Variants in GMEB1 observed in about 807,000 individuals in gnomAD.
GMEB1 encodes the protein glucocorticoid modulatory element-binding protein 1.
GMEB1 carries 6 observed loss-of-function variants against 52.4 expected under a neutral mutation model. That is an observed-to-expected ratio of 0.11 (90% CI 0.06 to 0.23). The LOEUF (loss-of-function observed/expected upper bound fraction) is 0.23, where lower values mean the gene tolerates loss of function less well. Among genes scored for constraint, GMEB1 ranks in the 10% least tolerant of loss-of-function variants. The pLI is 1.00. For missense variants in GMEB1, 486 were observed against 685.6 expected (o/e 0.71, Z 3.25); for synonymous variants, 255 against 244.9 (o/e 1.04, Z -0.38).
chr1:28,669,976 A>T lies in GMEB1; in HGVS notation c.-31+1137A>T, dbSNP rs200564532. Among the ~76,000 whole-genome samples, 5 of 152,266 alleles carry T rather than the reference A, an allele frequency of 3.3e-5. No homozygotes were observed. In the East Asian group the frequency reaches 9.7e-4, roughly 29 times the overall value. ...CGCAGCCCTGGATTCTCTCAAGATG[A>T]GAGAAATCTCAAAACCACTTCCTAG... is the stretch of plus-strand genomic sequence containing the variant. On this transcript the variant is annotated intron_variant, in intron 1 of 9. Transcript: ENST00000373816.
intron 5 of GMEB1, among the ~76,000 whole-genome samples, chr1:28,695,074 C>T (rs572974042): frequency 6.3e-4 from 95 of 150,486 alleles, no homozygotes; most frequent in Non-Finnish European, 1.1e-3. Flanking sequence ...AAGTGATTCT[C>T]ATGCCTCAGC....
chr1:28,697,788 G>T (rs186853570), intron 6 of GMEB1, among the ~76,000 whole-genome samples: 12 of 152,176 alleles, frequency 7.9e-5, no homozygotes, highest in Non-Finnish European at 1.6e-4. Flanking sequence ...CAGGCTAGGC[G>T]TGGTGGCTGA....
rs564844472 is a variant in GMEB1 at position 28,706,342 on chromosome 1, C to A, written c.868+2013C>A. Among the ~76,000 whole-genome samples the A allele has an allele frequency of 2.0e-5, 3 of 152,018 alleles. No homozygotes were observed. In the East Asian group the frequency reaches 5.8e-4, roughly 30 times the overall value. Reference sequence around the variant, plus strand: ...GTTATGGGCCAGGCGTTGTGGCTCACGCCTGTAATCCCAGCACTTTGGGAG... The same window carrying A: ...GTTATGGGCCAGGCGTTGTGGCTCAAGCCTGTAATCCCAGCACTTTGGGAG... On this transcript the variant is annotated intron_variant, in intron 8 of 9. Coordinates refer to ENST00000373816, the MANE Select transcript of GMEB1 (RefSeq NM_001319674.2).
In GMEB1 at chr1:28,687,379, C is replaced by CAA. The variant is rs1399256461; in HGVS notation, c.129-2724_129-2723insAA. 7.3e-3 allele frequency among the ~76,000 whole-genome samples: 120 copies of CAA among 16,368 alleles called. 19 individuals are homozygous for CAA. The highest frequency in any genetic ancestry group is 0.011 in the Non-Finnish European group (80 of 7,114). The allele number at this position is 16,368 out of a possible 152,430, so 10.7% of individuals were successfully genotyped here. ...ACACACACACACACACACACACACACACACACACAAAAAAAGACAGTGGAG... is the reference window on the plus strand; with the variant it reads ...ACACACACACACACACACACACACACAAACACACACAAAAAAAGACAGTGGAG... On this transcript the variant is annotated intron_variant, in intron 2 of 9. Transcript: ENST00000373816.
intron 5 of GMEB1, among the ~76,000 whole-genome samples, chr1:28,696,052 A>G (rs551958127): frequency 1.2e-4 from 17 of 139,464 alleles, no homozygotes; most frequent in Admixed American, 2.2e-4. Context: ...TTGTTTGTTT[A>G]TTTATTTATT....
chr1:28,713,549 A>G (rs1290336133), intron 9 of GMEB1, among the ~76,000 whole-genome samples: 1 of 152,174 alleles, frequency 6.6e-6, no homozygotes, highest in Non-Finnish European at 1.5e-5. Flanking sequence ...GACCTCTTTT[A>G]GTTCTGTAAT....
chr1:28,687,880 A>C (rs1418000748), intron 2 of GMEB1, among the ~76,000 whole-genome samples: 7 of 152,198 alleles, frequency 4.6e-5, no homozygotes, highest in South Asian at 4.2e-4. Context: ...TGGTGCTATT[A>C]ACAAGGATGG....
chr1:28,691,613 T>C lies in GMEB1; in HGVS notation c.240T>C (p.Asp80=), dbSNP rs757234187. The change falls in exon 4 of 10, where the codon GAT becomes GAC. Residue 80 remains aspartate (D), a synonymous_variant. Coordinates refer to ENST00000373816, the MANE Select transcript of GMEB1 (RefSeq NM_001319674.2). ...IDTGTIEANE[D]MEIAYPITCG... Reference sequence around the variant, plus strand: ...CAGGCACTATAGAAGCAAATGAGGATATGGAAATTGCTTACCCCATAACTT... The same window carrying C: ...CAGGCACTATAGAAGCAAATGAGGACATGGAAATTGCTTACCCCATAACTT... 10 of 1,568,802 alleles carry C rather than the reference T, an allele frequency of 6.4e-6. No homozygotes were observed. The highest frequency in any genetic ancestry group is 1.4e-5 in the African/African-American group (1 of 73,958).
chr1:28,673,621 A>C (rs1669004087), intron 1 of GMEB1, among the ~76,000 whole-genome samples: 1 of 152,200 alleles, frequency 6.6e-6, no homozygotes, highest in African/African-American at 2.4e-5. Flanking sequence ...CAGGACACAC[A>C]AAAATGAATT....
At chr1:28,697,138 C>T (rs1670242694) in intron 6 of GMEB1, 54 bp downstream of exon 6, 3 of 882,180 alleles carry the variant, frequency 3.4e-6, no homozygotes, top group South Asian at 3.8e-5. Flanking sequence ...CAGAACTTTC[C>T]CCCTTATTTC....
chr1:28,678,748 G>A (rs1428692514), intron 1 of GMEB1, among the ~76,000 whole-genome samples: 2 of 151,592 alleles, frequency 1.3e-5, no homozygotes, highest in Non-Finnish European at 2.9e-5. Context: ...TACCACACCC[G>A]GTTAATTTTT....
At chr1:28,669,483 G>C (rs1292966729) in intron 1 of GMEB1, among the ~76,000 whole-genome samples, 2 of 152,052 alleles carry the variant, frequency 1.3e-5, no homozygotes, top group African/African-American at 2.4e-5. Flanking sequence ...GCAGAGTCCA[G>C]CTTATCCCGA....
intron 1 of GMEB1, among the ~76,000 whole-genome samples, chr1:28,678,902 T>C (rs1392548797): frequency 6.6e-6 from 1 of 151,614 alleles, no homozygotes; most frequent in Non-Finnish European, 1.5e-5. Flanking sequence ...TTTTTTTGTT[T>C]GTTTGTTTTG....
intron 2 of GMEB1, among the ~76,000 whole-genome samples, chr1:28,687,379 C>CAAAAAAAA (rs1399256461): frequency 0.026 from 420 of 16,338 alleles, 100 homozygotes; most frequent in East Asian, 0.085. Context: ...CACACACACA[C>CAAAAAAAA]ACACACACAA....
At chr1:28,700,829 C>G (rs534570734) in intron 6 of GMEB1, among the ~76,000 whole-genome samples, 2 of 152,232 alleles carry the variant, frequency 1.3e-5, no homozygotes, top group African/African-American at 4.8e-5. Flanking sequence ...ACACTTGACT[C>G]TTTCACTTGA....
At chr1:28,692,102 C>T (rs1347014781) in intron 4 of GMEB1, among the ~76,000 whole-genome samples, 1 of 151,628 alleles carries the variant, frequency 6.6e-6, no homozygotes, top group Non-Finnish European at 1.5e-5. Context: ...CCTCCACTTC[C>T]TGGGTTCAGG....
At chr1:28,709,637 C>T (rs543769123) in intron 8 of GMEB1, among the ~76,000 whole-genome samples, 4 of 152,142 alleles carry the variant, frequency 2.6e-5, no homozygotes, top group East Asian at 3.9e-4. Flanking sequence ...TGCAGTGGCA[C>T]GATCTTGGTT....
intron 8 of GMEB1, 115 bp from the exon 9 acceptor site, chr1:28,710,405 A>G (rs1670993790): frequency 9.6e-6 from 6 of 626,454 alleles, no homozygotes; most frequent in East Asian, 3.1e-5. Flanking sequence ...ATGTGTTAAA[A>G]TGCAGTTAGG....
intron 5 of GMEB1, among the ~76,000 whole-genome samples, chr1:28,694,492 C>T (rs746686193): frequency 6.8e-6 from 1 of 147,636 alleles, no homozygotes; most frequent in Non-Finnish European, 1.5e-5. Flanking sequence ...CCATGCCTGG[C>T]CTAAGATTTT....
Sources: allele counts gnomAD v4.1 joint callset (sites outside exome capture counted in the v4.1 genomes callset), GRCh38; gene constraint gnomAD v4.1.1; transcripts MANE v1.5; gene names NCBI Gene and HGNC (gene_info 2026-07-23, HGNC 2026-07-21).